Variants in OSBPL10 observed in about 807,000 individuals in gnomAD.
The protein encoded by OSBPL10 is oxysterol binding protein like 10, also known as oxysterol-binding protein-related protein 10.
A neutral mutation model predicts 81.7 loss-of-function variants in OSBPL10; 49 were observed. The ratio of observed to expected loss-of-function variants is 0.60; its 90% CI spans 0.48 to 0.76. The LOEUF is 0.76. Ranked by LOEUF, OSBPL10 falls within the 30% of genes least tolerant of loss-of-function variation. The pLI is 0.00. For missense variants in OSBPL10, 923 were observed against 987.8 expected, an observed-to-expected ratio of 0.93 and a Z score of 0.88; for synonymous variants, 419 against 383.6, an observed-to-expected ratio of 1.09 and a Z score of -1.08.
At chr3:31,773,965 C>T (rs1698462516) in intron 4 of OSBPL10, among the ~76,000 whole-genome samples, 1 of 152,028 alleles carries the variant, frequency 6.6e-6, no homozygotes, top group Non-Finnish European at 1.5e-5. Flanking sequence ...AGTTCGAGAC[C>T]AGCCTGACCA....
chr3:31,912,986 T>C (rs1395042396), intron 1 of OSBPL10, among the ~76,000 whole-genome samples: 1 of 152,228 alleles, frequency 6.6e-6, no homozygotes, highest in East Asian at 1.9e-4. Context: ...CTTAGAGATC[T>C]TATTTGTGTT....
intron 4 of OSBPL10, among the ~76,000 whole-genome samples, chr3:31,806,701 T>C (rs1322827911): frequency 6.8e-6 from 1 of 146,374 alleles, no homozygotes; most frequent in Non-Finnish European, 1.5e-5. Flanking sequence ...GCATAGAGAG[T>C]GATGGGGCAG....
At chr3:31,733,695 T>G (rs1161151226) in intron 5 of OSBPL10, among the ~76,000 whole-genome samples, 2 of 149,668 alleles carry the variant, frequency 1.3e-5, no homozygotes, top group East Asian at 2.0e-4. Flanking sequence ...GTTTTTTTTT[T>G]TTTTTTTTTT....
At chr3:31,957,385 C>G (rs965443814) in intron 1 of OSBPL10, among the ~76,000 whole-genome samples, 2 of 152,100 alleles carry the variant, frequency 1.3e-5, no homozygotes, top group African/African-American at 4.8e-5. Flanking sequence ...AACCCAGAGC[C>G]ACAGTGGCAG....
At chr3:31,770,673 C>A (rs974250612) in intron 4 of OSBPL10, among the ~76,000 whole-genome samples, 1 of 152,094 alleles carries the variant, frequency 6.6e-6, no homozygotes, top group African/African-American at 2.4e-5. Flanking sequence ...GTAATCCCAG[C>A]TACTTGGGAG....
chr3:31,684,751 G>A (rs948888716), intron 7 of OSBPL10, among the ~76,000 whole-genome samples: 7 of 152,216 alleles, frequency 4.6e-5, no homozygotes, highest in African/African-American at 9.6e-5. Context: ...CAGAGCTGCC[G>A]CAGACAAGAG....
intron 6 of OSBPL10, among the ~76,000 whole-genome samples, chr3:31,705,812 C>T (rs1696046538): frequency 6.6e-6 from 1 of 152,172 alleles, no homozygotes; most frequent in Non-Finnish European, 1.5e-5. Flanking sequence ...AGTAACAACT[C>T]TCTCAAGGTC....
rs371447179 is a variant in OSBPL10 at position 32,006,030 on chromosome 3, C to T, written n.298+40461G>A. Among the ~76,000 whole-genome samples, 25 of 150,988 alleles carry T rather than the reference C, an allele frequency of 1.7e-4. No homozygotes were observed. The South Asian group carries it at 1.7e-3, about 10-fold the overall frequency. ...TACCATCTTGGCTCACTGCAGCCTCCGCCTCCCAGGTTCTAGCAATTCTCC... is the reference window on the plus strand; with the variant it reads ...TACCATCTTGGCTCACTGCAGCCTCTGCCTCCCAGGTTCTAGCAATTCTCC... On this transcript the variant is annotated intron_variant and non_coding_transcript_variant, in intron 2 of 3. Transcript: ENST00000479173.
At chr3:32,041,423 C>T (rs561736544) in intron 2 of OSBPL10, among the ~76,000 whole-genome samples, 1 of 152,280 alleles carries the variant, frequency 6.6e-6, no homozygotes, top group South Asian at 2.1e-4. Flanking sequence ...ACCTACAATG[C>T]CAGCAGCATC....
chr3:31,661,048 CAT>C lies in OSBPL10; in HGVS notation c.*1022_*1023del, dbSNP rs549969873. ...TGTATTTTCGTCACTCCTTTGACCT[CAT>C]GTGTAAAGGCTAAAAACTGAAATTT... On this transcript the variant is annotated 3_prime_UTR_variant, in exon 12 of 12. Coordinates refer to ENST00000396556, the MANE Select transcript of OSBPL10 (RefSeq NM_017784.5). The C allele has an allele frequency of 1.4e-3, 212 of 152,712 alleles. 1 individual carries two copies. Among genetic ancestry groups the C allele is most frequent in the African/African-American group, 4.8e-3 (200 of 41,550 alleles). The allele number at this position is 152,712 out of a possible 1,614,324, so 9.5% of individuals were successfully genotyped here. A position where few individuals can be genotyped will look rare whatever the true frequency, so the allele number is the denominator to read the frequency against.
At chr3:32,016,504 G>A (rs1230979333) in intron 2 of OSBPL10, among the ~76,000 whole-genome samples, 1 of 152,150 alleles carries the variant, frequency 6.6e-6, no homozygotes, top group Non-Finnish European at 1.5e-5. Context: ...TAAACGACAA[G>A]TTAATGGGTG....
At chr3:31,800,326 T>A (rs1161770669) in intron 4 of OSBPL10, among the ~76,000 whole-genome samples, 1 of 152,206 alleles carries the variant, frequency 6.6e-6, no homozygotes, top group East Asian at 1.9e-4. Flanking sequence ...CACTTCATTA[T>A]CTGTGATCAC....
intron 1 of OSBPL10, among the ~76,000 whole-genome samples, chr3:31,891,812 G>A (rs1286597472): frequency 6.6e-6 from 1 of 152,180 alleles, no homozygotes; most frequent in South Asian, 2.1e-4. Flanking sequence ...AATGGTTAAA[G>A]AGAAGAGAAT....
intron 2 of OSBPL10, among the ~76,000 whole-genome samples, chr3:31,997,350 C>T (rs544895725): frequency 7.3e-5 from 11 of 151,630 alleles, no homozygotes; most frequent in African/African-American, 1.9e-4. Flanking sequence ...CTGCAACCTC[C>T]GCCTCCTGGG....
chr3:31,824,312 C>T (rs1426907205), intron 4 of OSBPL10, among the ~76,000 whole-genome samples: 1 of 151,992 alleles, frequency 6.6e-6, no homozygotes, highest in Non-Finnish European at 1.5e-5. Context: ...TGCAGGTTGG[C>T]CAATGTGAGA....
intron 4 of OSBPL10, among the ~76,000 whole-genome samples, chr3:31,817,966 ATGG>A (rs1247157886): frequency 1.3e-5 from 2 of 152,202 alleles, no homozygotes; most frequent in Non-Finnish European, 2.9e-5. Flanking sequence ...TTAGCTGGGC[ATGG>A]TGATCACATG....
In OSBPL10 at chr3:32,041,558, C is replaced by G. The variant is rs77495962; in HGVS notation, n.298+4933G>C. 3.9e-3 allele frequency among the ~76,000 whole-genome samples: 601 copies of G among 152,346 alleles called. 6 individuals carry two copies. The highest frequency in any genetic ancestry group is 0.014 in the African/African-American group (571 of 41,592). On this transcript the variant is annotated intron_variant and non_coding_transcript_variant, in intron 2 of 3. Transcript: ENST00000479173. Reference sequence around the variant, plus strand: ...AGAGGCTGAAGTCCATAGTCCGTATCACTTCTTATTGAATCTGAGCTGGCC... The same window carrying G: ...AGAGGCTGAAGTCCATAGTCCGTATGACTTCTTATTGAATCTGAGCTGGCC...
intron 4 of OSBPL10, among the ~76,000 whole-genome samples, chr3:31,790,541 C>CG (rs1345056789): frequency 3.9e-5 from 6 of 152,144 alleles, no homozygotes; most frequent in East Asian, 3.9e-4. Flanking sequence ...AAAATACTGA[C>CG]GGGGGAAAAA....
chr3:31,845,887 C>T (rs1700616278), intron 3 of OSBPL10, among the ~76,000 whole-genome samples: 1 of 152,198 alleles, frequency 6.6e-6, no homozygotes, highest in Non-Finnish European at 1.5e-5. Context: ...CTGTGCATTA[C>T]TTATTTGACT....
Sources: allele counts gnomAD v4.1 joint callset (sites outside exome capture counted in the v4.1 genomes callset), GRCh38; gene constraint gnomAD v4.1.1; transcripts MANE v1.5; gene names NCBI Gene and HGNC (gene_info 2026-07-23, HGNC 2026-07-21).